Variants in CCSER2 observed in about 807,000 individuals in gnomAD.
The protein encoded by CCSER2 is coiled-coil serine rich protein 2.
Under a neutral mutation model 92.3 loss-of-function variants are expected in CCSER2, and 46 were observed. The ratio of observed to expected loss-of-function variants is 0.50; its 90% CI spans 0.39 to 0.64. CCSER2 has a LOEUF of 0.64. Ranked by LOEUF, CCSER2 falls within the 30% of genes least tolerant of loss-of-function variation. The probability of loss-of-function intolerance (pLI) is 0.00; values close to 1 mark genes in which losing one functional copy is unlikely to be tolerated. For missense variants in CCSER2, 1,244 were observed against 1,238.9 expected (o/e 1.00, Z -0.06); for synonymous variants, 433 against 431.4 (o/e 1.00, Z -0.04).
chr10:84,507,840 A>C (rs1181637519), intron 9 of CCSER2, among the ~76,000 whole-genome samples: 3 of 152,060 alleles, frequency 2.0e-5, no homozygotes, highest in Non-Finnish European at 4.4e-5. Context: ...CTGTGGAATC[A>C]CCTCTTTCCA....
rs201364686 is a variant in CCSER2 at position 84,342,071 on chromosome 10, CT to C, written c.-40+13264del. Reference sequence around the variant, plus strand: ...TCAGCCTTCAGTCCCCTTCCCCCCCCTGGAGGTTGGGGGATGGGGCTGAAAA... The same window carrying C: ...TCAGCCTTCAGTCCCCTTCCCCCCCCGGAGGTTGGGGGATGGGGCTGAAAA... On this transcript the variant is annotated intron_variant, in intron 1 of 9. Transcript: ENST00000372088. Among the ~76,000 whole-genome samples, 1,124 of 152,286 alleles carry C rather than the reference CT, an allele frequency of 7.4e-3. 5 individuals are homozygous for C. The highest frequency in any genetic ancestry group is 0.023 in the African/African-American group (942 of 41,566).
intron 3 of CCSER2, among the ~76,000 whole-genome samples, chr10:84,381,968 CTT>C (rs1478616229): frequency 2.0e-5 from 3 of 150,950 alleles, no homozygotes; most frequent in Non-Finnish European, 2.9e-5. Flanking sequence ...ACTTTGCACT[CTT>C]TGCATGTATT....
intron 6 of CCSER2, among the ~76,000 whole-genome samples, chr10:84,459,420 A>G (rs1845966163): frequency 1.3e-5 from 2 of 151,948 alleles, no homozygotes; most frequent in South Asian, 4.2e-4. Context: ...CTCCACTATG[A>G]TATTGAATAG....
chr10:84,449,554 A>G, intron 6 of CCSER2, among the ~76,000 whole-genome samples: 1 of 152,130 alleles, frequency 6.6e-6, no homozygotes, highest in East Asian at 1.9e-4. Context: ...GGCAATTCCC[A>G]TAAAATGCTA....
At chr10:84,341,037 CTTTTTTTTTT>C (rs749153928) in intron 1 of CCSER2, among the ~76,000 whole-genome samples, 6 of 115,174 alleles carry the variant, frequency 5.2e-5, no homozygotes, top group African/African-American at 1.8e-4. Flanking sequence ...CAATGTAACA[CTTTTTTTTTT>C]TTTTTTTTTT....
intron 3 of CCSER2, among the ~76,000 whole-genome samples, chr10:84,397,711 T>G (rs924340923): frequency 1.3e-5 from 2 of 152,216 alleles, no homozygotes; most frequent in African/African-American, 4.8e-5. Context: ...CAAGCAAAAC[T>G]TGATTTGAGC....
chr10:84,346,948 C>G (rs377129633), intron 1 of CCSER2, among the ~76,000 whole-genome samples: 13 of 151,892 alleles, frequency 8.6e-5, no homozygotes, highest in African/African-American at 3.1e-4. Flanking sequence ...GTGTTTGTGT[C>G]CCTGGGTACT....
At chr10:84,449,736 G>A (rs1265970980) in intron 6 of CCSER2, among the ~76,000 whole-genome samples, 1 of 151,902 alleles carries the variant, frequency 6.6e-6, no homozygotes, top group African/African-American at 2.4e-5. Flanking sequence ...TGCCTGTAAT[G>A]ATCAGGAGGC....
intron 3 of CCSER2, among the ~76,000 whole-genome samples, chr10:84,378,110 GAGAA>G (rs1235862898): frequency 1.3e-5 from 2 of 152,212 alleles, no homozygotes; most frequent in African/African-American, 4.8e-5. Context: ...GAATTTCAGA[GAGAA>G]AGCCTTAATA....
chr10:84,379,751 A>G (rs1840793550), intron 3 of CCSER2, among the ~76,000 whole-genome samples: 1 of 152,184 alleles, frequency 6.6e-6, no homozygotes, highest in African/African-American at 2.4e-5. Flanking sequence ...GTGATATGTA[A>G]TATTCTACAG....
rs762243810 is a variant in CCSER2, at chr10:84,371,141, T to C, written c.89T>C (p.Met30Thr). ...TCTGTAAGAAGTACATTGCAGCCAA[T>C]GCCAAATGGGACACCTGTTAATTTA... ...TKSVRSTLQP[M>T]PNGTPVNLLG... is the part of the protein sequence containing the mutation. The change falls in exon 2 of 10, where the codon ATG (methionine) becomes ACG (threonine). Residue 30 changes from methionine to threonine, a missense_variant. Transcript: ENST00000372088. 6.1e-5 allele frequency: 98 copies of C among 1,613,274 alleles called. No homozygotes were observed. Among genetic ancestry groups the C allele is most frequent in the Non-Finnish European group, 7.9e-5 (93 of 1,179,734 alleles).
chr10:84,403,324 T>C (rs11816518), intron 3 of CCSER2, among the ~76,000 whole-genome samples: 31,927 of 152,116 alleles, frequency 0.21, 3,599 homozygotes, highest in Admixed American at 0.34. Flanking sequence ...ATATAAAATG[T>C]GAACTATGAA....
intron 9 of CCSER2, among the ~76,000 whole-genome samples, chr10:84,508,846 T>A (rs1849203142): frequency 6.6e-6 from 1 of 152,252 alleles, no homozygotes; most frequent in East Asian, 1.9e-4. Flanking sequence ...CATTCTTATA[T>A]GCTTTAATAA....
chr10:84,441,487 T>C lies in CCSER2; in HGVS notation c.2064+2780T>C, dbSNP rs189911056. 4.6e-5 allele frequency among the ~76,000 whole-genome samples: 7 copies of C among 152,276 alleles called. No homozygotes were observed. The South Asian group carries it at 1.4e-3, about 32-fold the overall frequency. On this transcript the variant is annotated intron_variant, in intron 6 of 9. Coordinates refer to ENST00000372088, the MANE Select transcript of CCSER2 (RefSeq NM_001284240.2). ...CTTTTTAAATGGTCATTTTGTTTTT[T>C]ATGCTTATTTTGATTTCTCTTTCTT...
rs764633197 is a variant in CCSER2, at chr10:84,438,647, G to A, written c.2004G>A (p.Met668Ile). ...TGGATGAGATGACCCTTCGGCACAT[G>A]GTTCAGGATTGCACTGCTGTAAAAA... is the stretch of plus-strand genomic sequence containing the variant. ...VILDEMTLRH[M>I]VQDCTAVKTQ... The change falls in exon 6 of 10, where the codon ATG becomes ATA. Residue 668 changes from methionine (M) to isoleucine (I), a missense_variant. Met to Ile is a conservative substitution (Grantham distance 10). Transcript: ENST00000372088. The A allele has an allele frequency of 1.9e-6, 3 of 1,613,774 alleles. No homozygotes were observed. In the South Asian group the frequency reaches 3.3e-5, roughly 18 times the overall value.
intron 1 of CCSER2, among the ~76,000 whole-genome samples, chr10:84,342,291 C>G (rs1844232843): frequency 1.3e-5 from 2 of 152,204 alleles, no homozygotes; most frequent in South Asian, 4.1e-4. Flanking sequence ...GATATCATAT[C>G]ACAGTATCAC....
intron 6 of CCSER2, among the ~76,000 whole-genome samples, chr10:84,444,610 T>C (rs1844794321): frequency 1.3e-5 from 2 of 152,162 alleles, no homozygotes; most frequent in Non-Finnish European, 2.9e-5. Context: ...GAAGATACCT[T>C]GAGGGACAGC....
At chr10:84,337,846 A>G (rs1452895520) in intron 1 of CCSER2, among the ~76,000 whole-genome samples, 2 of 152,196 alleles carry the variant, frequency 1.3e-5, no homozygotes, top group African/African-American at 4.8e-5. Context: ...GAGAGAGGGT[A>G]TTATCACATT....
At chr10:84,409,102 TG>T (rs1842516828) in intron 3 of CCSER2, among the ~76,000 whole-genome samples, 1 of 152,124 alleles carries the variant, frequency 6.6e-6, no homozygotes, top group Non-Finnish European at 1.5e-5. Flanking sequence ...GAGATTCTCC[TG>T]CCTCAGCCTC....
Sources: gnomAD v4.1 joint callset for allele counts (sites outside exome capture counted in the v4.1 genomes callset) on GRCh38, gnomAD v4.1.1 for gene constraint, MANE v1.5 for transcripts, NCBI Gene and HGNC (gene_info 2026-07-23, HGNC 2026-07-21) for gene names.